MUC4: variants seen among roughly 807,000 people sequenced by gnomAD.
MUC4 encodes the protein mucin 4, cell surface associated.
A neutral mutation model predicts 257.9 loss-of-function variants in MUC4; 202 were observed. The observed-to-expected ratio is 0.78, with a 90% CI of 0.70 to 0.88. The LOEUF (loss-of-function observed/expected upper bound fraction) is 0.88, where lower values mean the gene tolerates loss of function less well. Among genes scored for constraint, MUC4 ranks in the 40% least tolerant of loss-of-function variants. The pLI is 0.00. For synonymous variants in MUC4, 2,351 were observed against 2,757.1 expected, an observed-to-expected ratio of 0.85 and a Z score of 4.62; for missense variants, 5,976 against 6,513.7, an observed-to-expected ratio of 0.92 and a Z score of 2.84.
chr3:195,763,802 T>G (rs531222765), intron 11 of MUC4, among the ~76,000 whole-genome samples, 161 bp from the exon 12 acceptor site: 2 of 152,252 alleles, frequency 1.3e-5, no homozygotes, highest in East Asian at 3.9e-4. Context: ...GCTGGGGAGA[T>G]GTTCACAGAG....
rs1560249399 is a variant in MUC4, at chr3:195,763,527, A to AGC, written c.14157_14158dup (p.Leu4720ArgfsTer53). On this transcript the variant is annotated frameshift_variant, in exon 12 of 25. Coordinates refer to ENST00000463781, the MANE Select transcript of MUC4 (RefSeq NM_018406.7). LOFTEE classifies it high-confidence loss of function. ...GCCAGTCTGGGCGGTGCGGCCCTGA[A>AGC]GCAGGAAGGAGGAGTTCCCGTCTTG... The AGC allele has an allele frequency of 6.3e-7, 1 of 1,578,212 alleles. No individual in the cohort carries two copies. The highest frequency in any genetic ancestry group is 1.8e-5 in the Admixed American group (1 of 56,350).
At chr3:195,767,518 ACCACCACCATCG>A (rs1278719561) in intron 7 of MUC4, among the ~76,000 whole-genome samples, 8 of 137,016 alleles carry the variant, frequency 5.8e-5, no homozygotes, top group Non-Finnish European at 9.2e-5. Context: ...CATCACCATC[ACCACCACCATCG>A]CCACCACCAT....
At chr3:195,797,338 A>G (rs1734698297) in intron 1 of MUC4, among the ~76,000 whole-genome samples, 1 of 152,152 alleles carries the variant, frequency 6.6e-6, no homozygotes, top group African/African-American at 2.4e-5. Flanking sequence ...TCAGAAATGC[A>G]AGATAAAGAC....
At chr3:195,762,597 C>G (rs372749022) in intron 13 of MUC4, among the ~76,000 whole-genome samples, 496 of 51,102 alleles carry the variant, frequency 9.7e-3, no homozygotes, top group African/African-American at 0.028. Context: ...GCCACGCACC[C>G]GGCCCTGCAC....
intron 5 of MUC4, 38 bp from the exon 6 acceptor site, chr3:195,770,409 G>A (rs1398639850): frequency 3.1e-6 from 5 of 1,611,156 alleles, no homozygotes; most frequent in Non-Finnish European, 3.4e-6. Flanking sequence ...GCCAACGAGG[G>A]TCCCACTCCT....
intron 16 of MUC4, 82 bp from the exon 17 acceptor site, chr3:195,759,343 A>C: frequency 6.5e-7 from 1 of 1,537,194 alleles, no homozygotes; most frequent in Non-Finnish European, 8.9e-7. Flanking sequence ...CAACTCTAAT[A>C]TGTGTGAGGC....
intron 17 of MUC4, among the ~76,000 whole-genome samples, chr3:195,758,348 G>A (rs148693350): frequency 2.6e-5 from 4 of 152,072 alleles, no homozygotes; most frequent in Non-Finnish European, 5.9e-5. Flanking sequence ...ACACGGCTAG[G>A]TAAACATGGT....
rs539222714 is a variant in MUC4, at chr3:195,763,416, C to T, written c.14253+17G>A. The T allele has an allele frequency of 2.4e-5, 34 of 1,400,212 alleles. No homozygotes were observed. The highest frequency in any genetic ancestry group is 3.3e-5 in the Admixed American group (1 of 30,644). The allele number at this position is 1,400,212 out of a possible 1,614,324, so 86.7% of individuals were successfully genotyped here. A position where few individuals can be genotyped will look rare whatever the true frequency, so the allele number is the denominator to read the frequency against. On this transcript the variant is annotated intron_variant, in intron 12 of 24. Transcript: ENST00000463781. ...TGTGGGTGGAATGCAGGGAGGTTCCCGGCACCCCTCACTCACCGTGACGGG... is the reference window on the plus strand; with the variant it reads ...TGTGGGTGGAATGCAGGGAGGTTCCTGGCACCCCTCACTCACCGTGACGGG...
intron 11 of MUC4, 126 bp downstream of exon 11, chr3:195,763,919 G>T: frequency 7.3e-7 from 1 of 1,377,920 alleles, no homozygotes; most frequent in Non-Finnish European, 9.7e-7. Context: ...CCCATCACTG[G>T]CGTCATCTCC....
At chr3:195,747,810 G>A (rs1715361047) in intron 24 of MUC4, among the ~76,000 whole-genome samples, 1 of 152,268 alleles carries the variant, frequency 6.6e-6, no homozygotes, top group African/African-American at 2.4e-5. Flanking sequence ...GCAGTGAGCC[G>A]AGATTGCAAC....
At chr3:195,804,665 G>A (rs1253543052) in intron 1 of MUC4, among the ~76,000 whole-genome samples, 1 of 152,260 alleles carries the variant, frequency 6.6e-6, no homozygotes, top group Admixed American at 6.5e-5. Flanking sequence ...CTCGGGCAGG[G>A]CAGTGTAAGC....
chr3:195,807,008 C>T (rs1226487146), intron 1 of MUC4, among the ~76,000 whole-genome samples: 1 of 152,186 alleles, frequency 6.6e-6, no homozygotes, highest in Non-Finnish European at 1.5e-5. Context: ...GATGTCTGTC[C>T]TCTGTGGTCC....
rs752078558 is a variant in MUC4, at chr3:195,749,051, C to T, written c.15885G>A (p.Thr5295=). ...CATCGCATCTGAAGTAAGCCTTCAG[C>T]GTGCTCACGTTCACTGTCGGGAAGG... The part of the protein sequence containing the change: ...VRDVTALNVS[T]LKAYFRCDGY... The change falls in exon 24 of 25, where the codon ACG becomes ACA. Residue 5295 remains threonine (T), a synonymous_variant. Transcript: ENST00000463781. 2.3e-5 allele frequency: 37 copies of T among 1,606,846 alleles called. No homozygotes were observed. The East Asian group carries it at 4.5e-4, about 19-fold the overall frequency.
chr3:195,748,696 T>G (rs1357518701), intron 24 of MUC4, among the ~76,000 whole-genome samples: 2 of 151,156 alleles, frequency 1.3e-5, no homozygotes, highest in African/African-American at 4.8e-5. Context: ...TAAGCCCCCC[T>G]ATGGCTCTTT....
chr3:195,758,086 G>T (rs1024233996), intron 17 of MUC4, among the ~76,000 whole-genome samples: 2 of 152,176 alleles, frequency 1.3e-5, no homozygotes, highest in Non-Finnish European at 2.9e-5. Context: ...CGCAAAATAT[G>T]CCCCCCGGGG....
At chr3:195,772,903 C>T (rs1200270070) in intron 4 of MUC4, among the ~76,000 whole-genome samples, 1 of 133,108 alleles carries the variant, frequency 7.5e-6, no homozygotes, top group African/African-American at 2.9e-5. Flanking sequence ...CTCCCTTCAT[C>T]GCTCAGGGGT....
rs746495762 is a variant in MUC4 at position 195,760,964 on chromosome 3, G to T, written c.14768C>A (p.Thr4923Asn). The T allele has an allele frequency of 5.6e-6, 9 of 1,614,086 alleles. No individual in the cohort carries two copies. The East Asian group carries it at 1.1e-4, about 20-fold the overall frequency. The change falls in exon 16 of 25, where the codon ACC (threonine) becomes AAC (asparagine). Residue 4923 changes from threonine (T) to asparagine (N), a missense_variant. By Grantham distance (65) the Thr-to-Asn change is moderately conservative. Transcript: ENST00000463781. ...GATGCTTGCGTTGCGCAGGGCCAGG[G>T]TGTCATAGATGCATGAGCTATCTCC... ...CDGDSSCIYD[T>N]LALRNASIGL...
Position 195,746,818 on chromosome 3 carries a change from G to A in MUC4, c.*358C>T, listed in dbSNP as rs1186410779. 1 of 341,566 alleles carries A rather than the reference G, an allele frequency of 2.9e-6. No individual in the cohort carries two copies. Among genetic ancestry groups the A allele is most frequent in the African/African-American group, 2.1e-5 (1 of 47,314 alleles). The allele number at this position is 341,566 out of a possible 1,614,324, so 21.2% of individuals were successfully genotyped here. A position where few individuals can be genotyped will look rare whatever the true frequency, so the allele number is the denominator to read the frequency against. ...TTTATTTAAATAGAGTTAATTTGAA[G>A]TAAACCAGAGAGTTTTGTGTGCAGA... On this transcript the variant is annotated 3_prime_UTR_variant, in exon 25 of 25. Coordinates refer to ENST00000463781, the MANE Select transcript of MUC4 (RefSeq NM_018406.7).
In MUC4 at chr3:195,790,945, C is replaced by T. The variant is rs1328646366; in HGVS notation, c.635G>A (p.Ser212Asn). ...STQTTRESQT[S>N]TLTHRTTSTP... is the part of the protein sequence containing the mutation. ...TGAAGTGGTTCTGTGTGTTAGGGTG[C>T]TGGTTTGAGATTCCCTGGTGGTCTG... Residue 212 changes from serine to asparagine, a missense_variant, in exon 2 of 25, where the codon AGC becomes AAC. Ser to Asn is a conservative substitution (Grantham distance 46). This residue lies in a region of MUC4 where 1,583 missense variants were observed against 1,257.4 expected (regional missense o/e 1.26). Transcript: ENST00000463781. The T allele has an allele frequency of 4.3e-6, 7 of 1,613,582 alleles. No homozygotes were observed. The highest frequency in any genetic ancestry group is 2.2e-5 in the East Asian group (1 of 44,870).
Sources: allele counts gnomAD v4.1 joint callset (sites outside exome capture counted in the v4.1 genomes callset), GRCh38; gene constraint gnomAD v4.1.1; regional missense constraint gnomAD v4.1.1; transcripts MANE v1.5; gene names NCBI Gene and HGNC (gene_info 2026-07-23, HGNC 2026-07-21).